Variants in PDZD8 observed in about 807,000 individuals in gnomAD.
PDZD8 encodes PDZ domain containing 8.
Under a neutral mutation model 85.8 loss-of-function variants are expected in PDZD8, and 14 were observed. The ratio of observed to expected loss-of-function variants is 0.16; its 90% CI spans 0.11 to 0.26. PDZD8 has a LOEUF of 0.26. PDZD8 is among the 10% of genes least tolerant of loss of function. The pLI is 1.00. For missense variants in PDZD8, 1,197 were observed against 1,424.3 expected, an observed-to-expected ratio of 0.84 and a Z score of 2.57; for synonymous variants, 592 against 568.6, an observed-to-expected ratio of 1.04 and a Z score of -0.59.
chr10:117,358,980 T>C (rs1365520192), intron 1 of PDZD8, among the ~76,000 whole-genome samples: 2 of 152,194 alleles, frequency 1.3e-5, no homozygotes, highest in Non-Finnish European at 2.9e-5. Flanking sequence ...ATTCACCATG[T>C]ATGATGGTCC....
intron 3 of PDZD8, among the ~76,000 whole-genome samples, chr10:117,296,392 T>G (rs183304180): frequency 6.6e-6 from 1 of 152,122 alleles, no homozygotes; most frequent in Non-Finnish European, 1.5e-5. Context: ...CCATGGTTCA[T>G]GCATAAGATT....
At chr10:117,370,720 C>T (rs11197972) in intron 1 of PDZD8, among the ~76,000 whole-genome samples, 4,235 of 151,906 alleles carry the variant, frequency 0.028, 221 homozygotes, top group African/African-American at 0.099. Flanking sequence ...AGAAATGCCA[C>T]GTGGGACAGT....
At chr10:117,360,991 AAAATTT>A (rs1844986994) in intron 1 of PDZD8, among the ~76,000 whole-genome samples, 1 of 152,202 alleles carries the variant, frequency 6.6e-6, no homozygotes, top group Admixed American at 6.5e-5. Flanking sequence ...ACAAATGATA[AAAATTT>A]TAAACATAAG....
Position 117,374,462 on chromosome 10 carries a change from G to A in PDZD8, c.766C>T (p.Arg256Cys), listed in dbSNP as rs1240537912. Residue 256 changes from arginine to cysteine, a missense_variant, in exon 1 of 5, where the codon CGC becomes TGC. Around this residue, in one of 4 missense-constraint regions of PDZD8, gnomAD observed 344 missense variants for 453.6 expected, o/e 0.76. Transcript: ENST00000334464. The surrounding 1 kb of genome is among the most constrained non-coding windows in gnomAD (Gnocchi z 7.8). ...VEDPLIDFEV[R>C]SQFEGRPMPQ... ...ATGGGCCGCCCTTCAAACTGGGAGC[G>A]CACCTCGAAGTCGATCAGCGGGTCT... The A allele has an allele frequency of 3.1e-6, 5 of 1,614,018 alleles. No homozygotes were observed. Among genetic ancestry groups the A allele is most frequent in the Admixed American group, 1.7e-5 (1 of 59,996 alleles).
At chr10:117,324,208 C>CA (rs60898350) in intron 2 of PDZD8, among the ~76,000 whole-genome samples, 2,269 of 29,204 alleles carry the variant, frequency 0.078, 417 homozygotes, top group African/African-American at 0.15. Context: ...GACTCCATCT[C>CA]AAAAAAAAAA....
chr10:117,305,471 T>TACACACACACACACACACACAC (rs57037106), intron 3 of PDZD8, among the ~76,000 whole-genome samples: 4 of 141,760 alleles, frequency 2.8e-5, no homozygotes, highest in African/African-American at 1.1e-4. Flanking sequence ...TACACACACA[T>TACACACACACACACACACACAC]ACACACACAC....
intron 3 of PDZD8, among the ~76,000 whole-genome samples, chr10:117,301,822 T>C (rs893448726): frequency 2.6e-5 from 4 of 152,136 alleles, no homozygotes; most frequent in African/African-American, 9.7e-5. Context: ...TACACATTTG[T>C]TCTTGTTCAT....
chr10:117,350,610 T>C (rs546253882), intron 1 of PDZD8, among the ~76,000 whole-genome samples: 4 of 150,478 alleles, frequency 2.7e-5, no homozygotes, highest in African/African-American at 7.3e-5. Flanking sequence ...TTGTTAAAAA[T>C]AGAAATACAT....
rs1320101209 is a variant in PDZD8, at chr10:117,375,392, G to C, written c.-165C>G. 11 of 373,430 alleles carry C rather than the reference G, an allele frequency of 2.9e-5. No individual in the cohort carries two copies. The East Asian group carries it at 3.1e-4, about 11-fold the overall frequency. The allele number at this position is 373,430 out of a possible 1,614,324, so 23.1% of individuals were successfully genotyped here. On this transcript the variant is annotated 5_prime_UTR_variant, in exon 1 of 5. Transcript: ENST00000334464. Reference sequence around the variant, plus strand: ...CTCGGGCCGGCGCGCTGCGGCGCCCGAGCCCGCAGCGGCCCGCGCCTCCTC... The same window carrying C: ...CTCGGGCCGGCGCGCTGCGGCGCCCCAGCCCGCAGCGGCCCGCGCCTCCTC...
intron 4 of PDZD8, among the ~76,000 whole-genome samples, chr10:117,288,923 T>C (rs1844712292): frequency 6.6e-6 from 1 of 152,258 alleles, no homozygotes; most frequent in Non-Finnish European, 1.5e-5. Flanking sequence ...AGGTATTTAC[T>C]ACTTGTGTAA....
intron 3 of PDZD8, among the ~76,000 whole-genome samples, chr10:117,290,865 T>C (rs1418757107): frequency 1.1e-4 from 2 of 17,908 alleles, no homozygotes; most frequent in African/African-American, 2.7e-4. Context: ...TGGTGTATCC[T>C]TTTTTTTTTT....
At chr10:117,361,325 C>T (rs1781953519) in intron 1 of PDZD8, among the ~76,000 whole-genome samples, 2 of 152,028 alleles carry the variant, frequency 1.3e-5, no homozygotes, top group Non-Finnish European at 1.5e-5. Context: ...TTTAAAAATA[C>T]CTTGAAAGGA....
intron 1 of PDZD8, 34 bp from the exon 2 acceptor site, chr10:117,341,136 A>G (rs1400775862): frequency 6.2e-6 from 10 of 1,600,982 alleles, no homozygotes; most frequent in African/African-American, 1.3e-5. Context: ...AAATGTCTGA[A>G]TAATAAACAC....
chr10:117,356,944 T>C (rs972547238), intron 1 of PDZD8, among the ~76,000 whole-genome samples: 2 of 152,214 alleles, frequency 1.3e-5, no homozygotes, highest in Non-Finnish European at 2.9e-5. Flanking sequence ...TAGCATGTTA[T>C]TAAACTTACA....
intron 3 of PDZD8, among the ~76,000 whole-genome samples, chr10:117,302,882 C>T (rs1458688088): frequency 1.3e-5 from 2 of 152,212 alleles, no homozygotes; most frequent in Admixed American, 1.3e-4. Flanking sequence ...TGCCTCCTGG[C>T]ATGATTCTGA....
chr10:117,305,549 G>A (rs1441660672), intron 3 of PDZD8, among the ~76,000 whole-genome samples: 1 of 150,998 alleles, frequency 6.6e-6, no homozygotes, highest in Non-Finnish European at 1.5e-5. Flanking sequence ...TTCTTATAGG[G>A]GTGCATTTGA....
intron 2 of PDZD8, among the ~76,000 whole-genome samples, chr10:117,320,107 C>T (rs1844203660): frequency 6.6e-6 from 1 of 152,062 alleles, no homozygotes; most frequent in Admixed American, 6.6e-5. Flanking sequence ...AAGCTCTAAA[C>T]AATTCTTAAA....
chr10:117,325,802 T>TC lies in PDZD8; in HGVS notation c.996-6829dup, dbSNP rs539807446. Among the ~76,000 whole-genome samples, 52 of 152,254 alleles carry TC rather than the reference T, an allele frequency of 3.4e-4. 1 individual carries two copies. In the East Asian group the frequency reaches 7.9e-3, roughly 23 times the overall value. On this transcript the variant is annotated intron_variant, in intron 2 of 4. Transcript: ENST00000334464. ...TAGACTGAACTGGATCCTGGATTCT[T>TC]CTAGTTTCCTCCTGATACGGTTTGG...
chr10:117,291,136 A>G (rs1480777294), intron 3 of PDZD8, among the ~76,000 whole-genome samples: 8 of 151,762 alleles, frequency 5.3e-5, no homozygotes, highest in African/African-American at 1.9e-4. Flanking sequence ...AGCCTCCCAA[A>G]GTGCTAGGAT....
Sources: allele counts gnomAD v4.1 joint callset (sites outside exome capture counted in the v4.1 genomes callset), GRCh38; gene constraint gnomAD v4.1.1; regional missense constraint gnomAD v4.1.1; non-coding constraint Gnocchi (gnomAD v3.1); transcripts MANE v1.5; gene names NCBI Gene and HGNC (gene_info 2026-07-23, HGNC 2026-07-21).